Variants in PLEKHD1 observed in about 807,000 individuals in gnomAD.
The protein encoded by PLEKHD1 is pleckstrin homology and coiled-coil domain containing D1, also known as pleckstrin homology domain-containing family D member 1.
A neutral mutation model predicts 69.2 loss-of-function variants in PLEKHD1; 51 were observed. The ratio of observed to expected loss-of-function variants is 0.74; its 90% CI spans 0.59 to 0.93. PLEKHD1 has a LOEUF of 0.93. Ranked by LOEUF, PLEKHD1 falls within the 40% of genes least tolerant of loss-of-function variation. The probability of loss-of-function intolerance (pLI) is 0.00; values close to 1 mark genes in which losing one functional copy is unlikely to be tolerated. For missense variants in PLEKHD1, 584 were observed against 641.0 expected (o/e 0.91, Z 0.96); for synonymous variants, 236 against 244.7 (o/e 0.96, Z 0.33).
intron 10 of PLEKHD1, 113 bp downstream of exon 10, chr14:69,526,942 A>G: frequency 7.1e-7 from 1 of 1,400,538 alleles, no homozygotes; most frequent in Non-Finnish European, 9.4e-7. Flanking sequence ...CTGACCAGAC[A>G]GCCAGGCATG....
At chr14:69,499,380 C>A (rs1699084791) in intron 1 of PLEKHD1, among the ~76,000 whole-genome samples, 1 of 152,218 alleles carries the variant, frequency 6.6e-6, no homozygotes, top group African/African-American at 2.4e-5. Flanking sequence ...GTCCCTGAAT[C>A]TCTGGGCTTT....
rs560770595 is a variant in PLEKHD1 at position 69,526,796 on chromosome 14, G to C, written c.1023G>C (p.Thr341=). 12 of 1,549,794 alleles carry C rather than the reference G, an allele frequency of 7.7e-6. No homozygotes were observed. Among genetic ancestry groups the C allele is most frequent in the Non-Finnish European group, 1.0e-5 (12 of 1,146,146 alleles). ...QALQNSLQEL[T]AEKQQAEREL... ...TGCAGAACTCGCTGCAGGAGCTGAC[G>C]GCAGAGAAGCAGCAGGCTGAGCGGG... The change falls in exon 10 of 13, where the codon ACG becomes ACC. Residue 341 remains threonine (T), a synonymous_variant. Coordinates refer to ENST00000322564, the MANE Select transcript of PLEKHD1 (RefSeq NM_001161498.2).
the PLEKHD1 span, among the ~76,000 whole-genome samples, chr14:69,470,375 A>G: frequency 6.6e-6 from 1 of 151,062 alleles, no homozygotes; most frequent in Non-Finnish European, 1.5e-5. Flanking sequence ...AGGCATGAGA[A>G]TTGCTTGAAC....
chr14:69,497,098 T>A (rs910996164), intron 1 of PLEKHD1, among the ~76,000 whole-genome samples: 1 of 152,124 alleles, frequency 6.6e-6, no homozygotes, highest in Non-Finnish European at 1.5e-5. Flanking sequence ...ATTCAGACCA[T>A]GGAATGCATC....
intron 1 of PLEKHD1, among the ~76,000 whole-genome samples, chr14:69,492,227 A>G (rs541381257): frequency 1.3e-5 from 2 of 152,268 alleles, no homozygotes; most frequent in South Asian, 4.1e-4. Flanking sequence ...TTCTTTGCCT[A>G]TGCTGTTCCC....
intron 6 of PLEKHD1, among the ~76,000 whole-genome samples, chr14:69,514,843 C>T (rs1883348461): frequency 6.6e-6 from 1 of 152,042 alleles, no homozygotes; most frequent in Non-Finnish European, 1.5e-5. Flanking sequence ...ATTTCCCTTC[C>T]CCCAAGTAGG....
intron 5 of PLEKHD1, chr14:69,502,602 C>T (rs1437270273): frequency 3.5e-6 from 2 of 564,070 alleles, no homozygotes; most frequent in East Asian, 3.0e-5. Context: ...AAGGATGAGG[C>T]CCCTCATAAC....
chr14:69,508,342 G>A (rs545937922), intron 6 of PLEKHD1, among the ~76,000 whole-genome samples: 16 of 151,538 alleles, frequency 1.1e-4, no homozygotes, highest in African/African-American at 3.9e-4. Context: ...GGAGGCAGAG[G>A]TTACAGTGAG....
upstream of PLEKHD1, among the ~76,000 whole-genome samples, chr14:69,481,087 C>T (rs183310378): frequency 1.7e-3 from 266 of 152,240 alleles, no homozygotes; most frequent in African/African-American, 4.0e-3. Flanking sequence ...CTGCAGACTA[C>T]GGATAAAACA....
rs1297165518 is a variant in PLEKHD1 at position 69,512,997 on chromosome 14, G to A, written c.556-9286G>A. Among the ~76,000 whole-genome samples, 6 of 152,174 alleles carry A rather than the reference G, an allele frequency of 3.9e-5. No homozygotes were observed. The East Asian group carries it at 9.7e-4, about 24-fold the overall frequency. On this transcript the variant is annotated intron_variant, in intron 6 of 12. Coordinates refer to ENST00000322564, the MANE Select transcript of PLEKHD1 (RefSeq NM_001161498.2). ...CCTCGCCACTCAGGAGGCTGAGGCA[G>A]GAGGATTACTTGAACCCAGGAGTTA...
At chr14:69,510,163 G>A (rs1287843538) in intron 6 of PLEKHD1, among the ~76,000 whole-genome samples, 1 of 152,018 alleles carries the variant, frequency 6.6e-6, no homozygotes, top group Non-Finnish European at 1.5e-5. Context: ...CTTCAATATT[G>A]AGTTGGCTAT....
At chr14:69,523,655 G>T (rs1467727905) in intron 7 of PLEKHD1, among the ~76,000 whole-genome samples, 1 of 152,162 alleles carries the variant, frequency 6.6e-6, no homozygotes, top group Non-Finnish European at 1.5e-5. Context: ...TGTGTTACGA[G>T]AATTGAGACA....
chr14:69,496,740 C>T (rs1882898947), intron 1 of PLEKHD1, among the ~76,000 whole-genome samples: 1 of 141,996 alleles, frequency 7.0e-6, no homozygotes, highest in African/African-American at 2.7e-5. Context: ...AGAGACAAGG[C>T]CTTGCTATGT....
At chr14:69,485,671 C>A (rs1050377714) in intron 1 of PLEKHD1, among the ~76,000 whole-genome samples, 1 of 152,208 alleles carries the variant, frequency 6.6e-6, no homozygotes, top group Non-Finnish European at 1.5e-5. Flanking sequence ...CCTTGGCAAC[C>A]CCTCCAACTG....
At chr14:69,500,848 C>T (rs773309307) in intron 3 of PLEKHD1, 23 bp from the exon 4 acceptor site, 81 of 1,551,222 alleles carry the variant, frequency 5.2e-5, no homozygotes, top group Admixed American at 1.6e-4. Context: ...CTCAGGCATG[C>T]GCATGGCTCC....
intron 6 of PLEKHD1, among the ~76,000 whole-genome samples, chr14:69,518,483 A>G (rs1594989771): frequency 6.6e-6 from 1 of 152,334 alleles, no homozygotes; most frequent in South Asian, 2.1e-4. Context: ...GCATGAATGA[A>G]TAGAATTATA....
chr14:69,471,090 C>CTTTTTTTT, the PLEKHD1 span, among the ~76,000 whole-genome samples: 5 of 44,754 alleles, frequency 1.1e-4, no homozygotes, highest in Non-Finnish European at 2.1e-4. Flanking sequence ...CGTGCCTGGC[C>CTTTTTTTT]TTTTTTTTTT....
At chr14:69,502,552 G>C (rs1218507384) in intron 5 of PLEKHD1, 1 of 468,622 alleles carries the variant, frequency 2.1e-6, no homozygotes, top group Admixed American at 3.5e-5. Flanking sequence ...TAGCCCAGGT[G>C]CAGCAGGCCT....
intron 5 of PLEKHD1, 160 bp from the exon 6 acceptor site, chr14:69,502,667 T>C (rs557367910): frequency 5.5e-5 from 43 of 782,620 alleles, no homozygotes; most frequent in Non-Finnish European, 8.2e-5. Flanking sequence ...GCAGCTTCCA[T>C]CACCAGGAGC....
Sources: gnomAD v4.1 joint callset for allele counts (sites outside exome capture counted in the v4.1 genomes callset) on GRCh38, gnomAD v4.1.1 for gene constraint, MANE v1.5 for transcripts, NCBI Gene and HGNC (gene_info 2026-07-23, HGNC 2026-07-21) for gene names.